KHDRBS2: variants seen among roughly 807,000 people sequenced by gnomAD.
KHDRBS2 encodes the protein KH RNA binding domain containing, signal transduction associated 2.
A neutral mutation model predicts 44.3 loss-of-function variants in KHDRBS2; 26 were observed. The observed-to-expected ratio is 0.59, with a 90% CI of 0.43 to 0.81. KHDRBS2 has a LOEUF of 0.81. Among genes scored for constraint, KHDRBS2 ranks in the 40% least tolerant of loss-of-function variants. The pLI is 0.00. For missense variants in KHDRBS2, 476 were observed against 433.1 expected (o/e 1.10, Z -0.88); for synonymous variants, 194 against 151.1 (o/e 1.28, Z -2.08).
At chr6:61,947,222 T>C (rs1290862635) in intron 4 of KHDRBS2, among the ~76,000 whole-genome samples, 7 of 152,138 alleles carry the variant, frequency 4.6e-5, no homozygotes, top group African/African-American at 1.7e-4. Context: ...AGGTTCGTGC[T>C]CATCAGTCAG....
intron 2 of KHDRBS2, among the ~76,000 whole-genome samples, chr6:62,095,166 A>T (rs1352884502): frequency 6.6e-6 from 1 of 151,788 alleles, no homozygotes; most frequent in Non-Finnish European, 1.5e-5. Flanking sequence ...TCTACATCTG[A>T]AAAAGAAATA....
the KHDRBS2 span, among the ~76,000 whole-genome samples, chr6:61,568,905 A>C: frequency 6.6e-6 from 1 of 152,154 alleles, no homozygotes; most frequent in African/African-American, 2.4e-5. Context: ...CTGAGCATGA[A>C]TTTTCTTGAG....
At chr6:61,896,735 C>T (rs1367586759) in intron 5 of KHDRBS2, among the ~76,000 whole-genome samples, 1 of 152,108 alleles carries the variant, frequency 6.6e-6, no homozygotes, top group Non-Finnish European at 1.5e-5. Flanking sequence ...CTCTACATTC[C>T]TGAACTGAAT....
intron 6 of KHDRBS2, among the ~76,000 whole-genome samples, chr6:61,759,183 A>T (rs1472798081): frequency 2.0e-5 from 3 of 152,174 alleles, no homozygotes; most frequent in Middle Eastern, 3.2e-3. Flanking sequence ...AAAATAAAAC[A>T]TTCTTAACTA....
chr6:61,542,917 C>T, the KHDRBS2 span, among the ~76,000 whole-genome samples: 17 of 151,918 alleles, frequency 1.1e-4, no homozygotes, highest in South Asian at 1.0e-3. Flanking sequence ...CTCTCAGGTA[C>T]GTAAAAGTAT....
the KHDRBS2 span, among the ~76,000 whole-genome samples, chr6:61,615,971 T>C: frequency 6.6e-6 from 1 of 152,136 alleles, no homozygotes; most frequent in African/African-American, 2.4e-5. Flanking sequence ...GAAAAGGACA[T>C]TAGGGCTGTT....
At chr6:61,827,677 G>A (rs375859426) in intron 6 of KHDRBS2, among the ~76,000 whole-genome samples, 64 of 152,210 alleles carry the variant, frequency 4.2e-4, no homozygotes, top group African/African-American at 1.3e-3. Context: ...CTGGTAGTCC[G>A]AGATCAGAGT....
intron 8 of KHDRBS2, among the ~76,000 whole-genome samples, chr6:61,696,984 G>A (rs1767978117): frequency 1.3e-5 from 2 of 152,086 alleles, no homozygotes; most frequent in South Asian, 4.1e-4. Context: ...ATTTATGATT[G>A]TGATTAATTG....
chr6:61,795,589 C>T (rs1336970262), intron 6 of KHDRBS2, among the ~76,000 whole-genome samples: 1 of 152,042 alleles, frequency 6.6e-6, no homozygotes, highest in Non-Finnish European at 1.5e-5. Context: ...GTTTTCATGC[C>T]ACTTTTGTTC....
intron 6 of KHDRBS2, among the ~76,000 whole-genome samples, chr6:61,894,343 C>A (rs1367743767): frequency 6.6e-6 from 1 of 152,020 alleles, no homozygotes; most frequent in Non-Finnish European, 1.5e-5. Flanking sequence ...GGCAATTCAC[C>A]TTTTGTTTAT....
chr6:61,633,628 A>G, the KHDRBS2 span, among the ~76,000 whole-genome samples: 46 of 152,094 alleles, frequency 3.0e-4, no homozygotes, highest in Non-Finnish European at 5.4e-4. Context: ...ACTCCTTAAA[A>G]ATGGGGAACT....
chr6:62,011,100 T>TTA (rs146402310), intron 3 of KHDRBS2, among the ~76,000 whole-genome samples: 11,510 of 152,152 alleles, frequency 0.076, 628 homozygotes, highest in Non-Finnish European at 0.11. Flanking sequence ...TTTTGATGAC[T>TTA]TATATATATG....
chr6:61,981,608 AT>A (rs1218299873), intron 3 of KHDRBS2, among the ~76,000 whole-genome samples: 1 of 152,150 alleles, frequency 6.6e-6, no homozygotes, highest in African/African-American at 2.4e-5. Context: ...CTGTGATCCT[AT>A]TTAATGCAGT....
intron 6 of KHDRBS2, among the ~76,000 whole-genome samples, chr6:61,856,928 T>C (rs1344305936): frequency 6.6e-6 from 1 of 152,098 alleles, no homozygotes; most frequent in Non-Finnish European, 1.5e-5. Flanking sequence ...AAAAAACAGT[T>C]TCTTTGTCCA....
chr6:62,033,650 A>G (rs1784742297), intron 3 of KHDRBS2, among the ~76,000 whole-genome samples: 4 of 151,232 alleles, frequency 2.6e-5, no homozygotes, highest in Admixed American at 1.3e-4. Flanking sequence ...GGACATTTAT[A>G]TATGCAATAT....
chr6:62,260,462 C>T (rs933042043), intron 1 of KHDRBS2, among the ~76,000 whole-genome samples: 1 of 151,878 alleles, frequency 6.6e-6, no homozygotes, highest in African/African-American at 2.4e-5. Flanking sequence ...TGGCAGCCAC[C>T]CATGGATTTA....
chr6:61,923,858 C>G (rs9360173), intron 4 of KHDRBS2, among the ~76,000 whole-genome samples: 132,831 of 152,072 alleles, frequency 0.87, 58,516 homozygotes, highest in African/African-American at 0.97. Flanking sequence ...AAATTAGAAA[C>G]AAGTTAAACT....
chr6:61,723,133 A>C (rs1772962294), intron 7 of KHDRBS2, among the ~76,000 whole-genome samples: 1 of 150,546 alleles, frequency 6.6e-6, no homozygotes, highest in South Asian at 2.1e-4. Context: ...CAGCAGGACT[A>C]TAGACAAGTG....
the KHDRBS2 span, among the ~76,000 whole-genome samples, chr6:61,611,270 C>A: frequency 6.6e-6 from 1 of 152,186 alleles, no homozygotes; most frequent in Non-Finnish European, 1.5e-5. Context: ...GAGAGCTTTA[C>A]ATTCACCTGG....
Sources: gnomAD v4.1 joint callset for allele counts (sites outside exome capture counted in the v4.1 genomes callset) on GRCh38, gnomAD v4.1.1 for gene constraint, MANE v1.5 for transcripts, NCBI Gene and HGNC (gene_info 2026-07-23, HGNC 2026-07-21) for gene names.